The following STK3 variants were observed in gnomAD, a reference collection of about 807,000 sequenced individuals.
STK3 encodes serine/threonine-protein kinase 3.
In STK3, 41 loss-of-function variants were observed where a neutral mutation model predicts 58.0. The observed-to-expected ratio is 0.71, with a 90% confidence interval of 0.55 to 0.92. The LOEUF is 0.92. STK3 is among the 40% of genes least tolerant of loss of function. The pLI, the probability that STK3 is intolerant of heterozygous loss-of-function variation, is 0.00. For missense variants in STK3, 479 were observed against 602.7 expected, an observed-to-expected ratio of 0.79 and a Z score of 2.15; for synonymous variants, 170 against 191.0, an observed-to-expected ratio of 0.89 and a Z score of 0.91.
the STK3 span, among the ~76,000 whole-genome samples, chr8:98,349,737 G>A: frequency 6.6e-6 from 1 of 152,132 alleles, no homozygotes; most frequent in Non-Finnish European, 1.5e-5. Flanking sequence ...ACAAGGCTTG[G>A]GACTTGCACC....
intron 4 of STK3, among the ~76,000 whole-genome samples, chr8:98,719,042 G>A (rs1334954178): frequency 6.6e-6 from 1 of 152,132 alleles, no homozygotes; most frequent in Non-Finnish European, 1.5e-5. Flanking sequence ...AAAGAAAGGA[G>A]ACACCTTCAT....
intron 6 of STK3, among the ~76,000 whole-genome samples, chr8:98,658,754 T>C (rs963818186): frequency 6.6e-6 from 1 of 152,074 alleles, no homozygotes; most frequent in African/African-American, 2.4e-5. Flanking sequence ...TCAAAGGTCA[T>C]AGCTCTTCTT....
intron 6 of STK3, among the ~76,000 whole-genome samples, chr8:98,691,513 T>A (rs750562697): frequency 1.3e-5 from 2 of 151,972 alleles, no homozygotes; most frequent in African/African-American, 2.4e-5. Context: ...GAAAGTGATA[T>A]GGGGACAACT....
chr8:98,356,362 G>A, the STK3 span, among the ~76,000 whole-genome samples: 1 of 152,182 alleles, frequency 6.6e-6, no homozygotes, highest in Non-Finnish European at 1.5e-5. Context: ...GTTTGGTTAG[G>A]GGAGTTTGGT....
chr8:98,537,988 C>T (rs1021606877), intron 9 of STK3, among the ~76,000 whole-genome samples: 5 of 151,774 alleles, frequency 3.3e-5, no homozygotes, highest in East Asian at 1.9e-4. Flanking sequence ...GTAAAAAGTC[C>T]TCATAAAAAT....
chr8:98,426,193 G>A (rs1420795887), intron 3 of STK3, among the ~76,000 whole-genome samples: 1 of 152,098 alleles, frequency 6.6e-6, no homozygotes, highest in African/African-American at 2.4e-5. Context: ...ACATGAGCCC[G>A]TCACAGTCCC....
Position 98,455,111 on chromosome 8 carries a change from T to C in STK3, c.*731A>G, listed in dbSNP as rs1473059041. The C allele has an allele frequency of 6.6e-6, 1 of 152,652 alleles. No individual in the cohort carries two copies. The highest frequency in any genetic ancestry group is 1.5e-5 in the Non-Finnish European group (1 of 68,040). 9.5% of individuals were successfully genotyped at this position (152,652 alleles called of 1,614,324 possible). A position where few individuals can be genotyped will look rare whatever the true frequency, so the allele number is the denominator to read the frequency against. The stretch of plus-strand genomic sequence containing the variant: ...TGTGCAAGGGTTCCATTGATTTCTT[T>C]GGTTTTAAACACGATAGATCTATTT... On this transcript the variant is annotated 3_prime_UTR_variant, in exon 11 of 11. Coordinates refer to ENST00000419617, the MANE Select transcript of STK3 (RefSeq NM_006281.4).
At chr8:98,393,378 T>C (rs577042828) in intron 3 of STK3, among the ~76,000 whole-genome samples, 4 of 152,264 alleles carry the variant, frequency 2.6e-5, no homozygotes, top group Non-Finnish European at 4.4e-5. Flanking sequence ...GGTACAGATA[T>C]GGCAATAGTC....
intron 6 of STK3, among the ~76,000 whole-genome samples, chr8:98,649,336 CA>C (rs934785044): frequency 6.6e-6 from 1 of 151,804 alleles, no homozygotes; most frequent in African/African-American, 2.4e-5. Context: ...ATATAAGTTA[CA>C]AAAAAAATCA....
At chr8:98,526,400 A>G (rs1382787057) in intron 10 of STK3, 1 of 157,822 alleles carries the variant, frequency 6.3e-6, no homozygotes, top group African/African-American at 2.4e-5. Flanking sequence ...AATTTTGGCA[A>G]CTGAGTTTAC....
chr8:98,506,309 C>A (rs1824072988), intron 10 of STK3, among the ~76,000 whole-genome samples: 1 of 152,188 alleles, frequency 6.6e-6, no homozygotes, highest in Admixed American at 6.5e-5. Flanking sequence ...TCTGTCACGG[C>A]TTCCCTTGGC....
chr8:98,829,778 T>C (rs1307875725), upstream of STK3, among the ~76,000 whole-genome samples: 1 of 152,098 alleles, frequency 6.6e-6, no homozygotes, highest in Non-Finnish European at 1.5e-5. Context: ...TATTCATCAG[T>C]AAAGAAAAGA....
At chr8:98,649,384 G>C (rs1476347177) in intron 6 of STK3, among the ~76,000 whole-genome samples, 2 of 151,990 alleles carry the variant, frequency 1.3e-5, no homozygotes, top group African/African-American at 4.8e-5. Flanking sequence ...CATAGCTCCT[G>C]CATTTCCTAT....
intron 4 of STK3, among the ~76,000 whole-genome samples, chr8:98,735,018 C>G (rs1038615263): frequency 6.6e-6 from 1 of 152,074 alleles, no homozygotes; most frequent in Admixed American, 6.6e-5. Flanking sequence ...TTCACACATG[C>G]CAAGGTTACT....
At chr8:98,716,481 A>G (rs2131154589) in intron 4 of STK3, among the ~76,000 whole-genome samples, 1 of 152,228 alleles carries the variant, frequency 6.6e-6, no homozygotes, top group East Asian at 1.9e-4. Flanking sequence ...AAGGAGGTGA[A>G]ATATCTGTAC....
At chr8:98,859,763 T>C (rs939508118) in intron 3 of STK3, among the ~76,000 whole-genome samples, 1 of 152,218 alleles carries the variant, frequency 6.6e-6, no homozygotes, top group African/African-American at 2.4e-5. Context: ...AGAATGTGTG[T>C]TGGCCACATC....
At chr8:98,353,309 T>TACAAAAAA in the STK3 span, among the ~76,000 whole-genome samples, 2 of 151,948 alleles carry the variant, frequency 1.3e-5, no homozygotes, top group African/African-American at 2.4e-5. Context: ...CCTCCATCTC[T>TACAAAAAA]ACAAAAAAAC....
At chr8:98,583,969 T>A (rs893660819) in intron 7 of STK3, among the ~76,000 whole-genome samples, 1 of 152,112 alleles carries the variant, frequency 6.6e-6, no homozygotes, top group African/African-American at 2.4e-5. Context: ...TAGTTTTTAA[T>A]TCAACCTAAA....
chr8:98,884,784 GGAGTAATC>G (rs1837919053), intron 1 of STK3, among the ~76,000 whole-genome samples: 1 of 152,078 alleles, frequency 6.6e-6, no homozygotes, highest in African/African-American at 2.4e-5. Context: ...TTTCATGATG[GGAGTAATC>G]ATGTCAGGTT....
Sources: gnomAD v4.1 joint callset for allele counts (sites outside exome capture counted in the v4.1 genomes callset) on GRCh38, gnomAD v4.1.1 for gene constraint, MANE v1.5 for transcripts, NCBI Gene and HGNC (gene_info 2026-07-23, HGNC 2026-07-21) for gene names.